Variants in NFRKB observed in about 807,000 individuals in gnomAD.
NFRKB encodes nuclear factor related to kappa-B-binding protein.
A neutral mutation model predicts 135.7 loss-of-function variants in NFRKB; 62 were observed. That is an observed-to-expected ratio of 0.46 (90% CI 0.37 to 0.56). The LOEUF is 0.56. NFRKB is among the 20% of genes least tolerant of loss of function. NFRKB has a pLI of 0.00. For synonymous variants in NFRKB, 678 were observed against 635.6 expected, an observed-to-expected ratio of 1.07 and a Z score of -1.00; for missense variants, 1,545 against 1,662.0, an observed-to-expected ratio of 0.93 and a Z score of 1.22.
intron 13 of NFRKB, among the ~76,000 whole-genome samples, chr11:129,879,250 A>G (rs533022532): frequency 6.8e-4 from 104 of 152,294 alleles, no homozygotes; most frequent in Middle Eastern, 3.4e-3. Flanking sequence ...TCAATACACA[A>G]TATCACTATT....
intron 23 of NFRKB, among the ~76,000 whole-genome samples, chr11:129,871,121 C>T (rs953120249): frequency 2.0e-5 from 3 of 152,216 alleles, no homozygotes; most frequent in Non-Finnish European, 2.9e-5. Context: ...AACATCCTCC[C>T]GTGTAGTTAA....
chr11:129,877,158 C>T (rs1297765042), intron 16 of NFRKB, among the ~76,000 whole-genome samples, 167 bp downstream of exon 16: 1 of 152,156 alleles, frequency 6.6e-6, no homozygotes, highest in Non-Finnish European at 1.5e-5. Flanking sequence ...TCTTACTCCC[C>T]TTCCCCACAC....
intron 23 of NFRKB, among the ~76,000 whole-genome samples, chr11:129,871,043 G>C (rs1457997608): frequency 6.6e-6 from 1 of 152,002 alleles, no homozygotes; most frequent in Non-Finnish European, 1.5e-5. Flanking sequence ...GATGCCCCTA[G>C]GTAGATATTA....
chr11:129,864,906 A>C, intron 26 of NFRKB, 56 bp from the exon 27 acceptor site: 1 of 1,613,420 alleles, frequency 6.2e-7, no homozygotes, highest in South Asian at 1.1e-5. Context: ...TCACCAGTTA[A>C]GAACAGCAGT....
In NFRKB at chr11:129,873,969, G is replaced by C. The variant is rs774563725; in HGVS notation, c.2326C>G (p.Leu776Val). 6.2e-7 allele frequency: 1 copy of C among 1,612,894 alleles called. No individual in the cohort carries two copies. Among genetic ancestry groups the C allele is most frequent in the South Asian group, 1.1e-5 (1 of 91,076 alleles). Residue 776 changes from leucine (L) to valine (V), a missense_variant, in exon 22 of 27, where the codon CTT becomes GTT. Coordinates refer to ENST00000682444, the MANE Select transcript of NFRKB (RefSeq NM_001143835.2). ...GCAGTCTGGCTGGAAGCTGGGGAAA[G>C]CATTGTTCCCAGATGTGGCATTGTT... ...SPTMPHLGTMLSPASSQTAPS... is the reference protein window; with the variant it reads ...SPTMPHLGTMVSPASSQTAPS...
intron 3 of NFRKB, among the ~76,000 whole-genome samples, chr11:129,890,849 G>A (rs766052020): frequency 6.6e-6 from 1 of 152,160 alleles, no homozygotes; most frequent in Non-Finnish European, 1.5e-5. Context: ...CAGAAAATAC[G>A]TGTAGGTTTT....
In NFRKB at chr11:129,865,033, T is replaced by C. The variant is rs766920900; in HGVS notation, c.3707A>G (p.Asn1236Ser). 6.2e-7 allele frequency: 1 copy of C among 1,613,004 alleles called. No homozygotes were observed. The highest frequency in any genetic ancestry group is 8.5e-7 in the Non-Finnish European group (1 of 1,179,976). Residue 1236 changes from asparagine to serine, a missense_variant, in exon 26 of 27, where the codon AAT (asparagine) becomes AGT (serine). Around this residue, in one of 3 missense-constraint regions of NFRKB, gnomAD observed 753 missense variants for 804.3 expected, o/e 0.94. Transcript: ENST00000682444. ...MPAGTKLIAG[N>S]KPVSFLTAQQ... The stretch of plus-strand genomic sequence containing the variant: ...AGCAGTGAGGAAACTAACAGGCTTA[T>C]TGCCAGCAATGAGCTTAGTGCCTGC...
At chr11:129,879,837 C>T (rs1240588524) in intron 13 of NFRKB, among the ~76,000 whole-genome samples, 1 of 152,186 alleles carries the variant, frequency 6.6e-6, no homozygotes, top group Non-Finnish European at 1.5e-5. Context: ...AATTCTAAAC[C>T]CACACATCCT....
chr11:129,868,608 C>T (rs947180792), intron 24 of NFRKB, among the ~76,000 whole-genome samples: 1 of 152,254 alleles, frequency 6.6e-6, no homozygotes, highest in Non-Finnish European at 1.5e-5. Context: ...GACACATTCG[C>T]CACTGCCTGG....
At chr11:129,888,347 A>AGATGCTGGTTACAAGCT (rs376017229) in intron 4 of NFRKB, 50 of 652,488 alleles carry the variant, frequency 7.7e-5, no homozygotes, top group East Asian at 2.2e-4. Context: ...TTTTTTATGT[A>AGATGCTGGTTACAAGCT]GATGCTGGTT....
intron 25 of NFRKB, 32 bp downstream of exon 25, chr11:129,865,845 A>G: frequency 6.2e-7 from 1 of 1,605,598 alleles, no homozygotes; most frequent in South Asian, 1.1e-5. Flanking sequence ...TCCACCCCCG[A>G]ATTGGTTCCT....
intron 2 of NFRKB, chr11:129,893,285 A>C (rs1383622854): frequency 4.3e-6 from 2 of 465,564 alleles, no homozygotes; most frequent in East Asian, 1.4e-4. Flanking sequence ...GGGTGCAGTA[A>C]CTCACACCTA....
intron 4 of NFRKB, 170 bp downstream of exon 4, chr11:129,888,423 TG>T (rs1184942137): frequency 5.6e-6 from 4 of 716,606 alleles, no homozygotes; most frequent in Non-Finnish European, 7.6e-6. Flanking sequence ...AATACATTTT[TG>T]TTTTTTAGAA....
chr11:129,873,604 T>C, intron 22 of NFRKB, 141 bp downstream of exon 22: 1 of 1,169,252 alleles, frequency 8.6e-7, no homozygotes, highest in South Asian at 1.5e-5. Flanking sequence ...GAACATTCAG[T>C]GGCTTATTCC....
At chr11:129,890,242 T>C (rs1465224083) in intron 3 of NFRKB, among the ~76,000 whole-genome samples, 1 of 152,112 alleles carries the variant, frequency 6.6e-6, no homozygotes, top group East Asian at 1.9e-4. Flanking sequence ...CATCTTTGCA[T>C]GAACGTATCA....
chr11:129,892,180 A>G (rs1207561910), intron 3 of NFRKB, among the ~76,000 whole-genome samples: 2 of 152,030 alleles, frequency 1.3e-5, no homozygotes, highest in African/African-American at 2.4e-5. Flanking sequence ...ACTGCACCCA[A>G]TGTGTATTCT....
chr11:129,879,049 C>T (rs543533805), intron 13 of NFRKB, among the ~76,000 whole-genome samples: 1 of 152,204 alleles, frequency 6.6e-6, no homozygotes, highest in East Asian at 1.9e-4. Context: ...TTCCACAACC[C>T]GCCTAGAAAG....
intron 4 of NFRKB, among the ~76,000 whole-genome samples, chr11:129,887,490 T>C (rs1372537286): frequency 6.6e-6 from 1 of 152,224 alleles, no homozygotes; most frequent in Non-Finnish European, 1.5e-5. Context: ...TCCTATATCA[T>C]ATTCCTGCCG....
intron 4 of NFRKB, chr11:129,888,317 G>A: frequency 1.6e-6 from 1 of 621,996 alleles, no homozygotes; most frequent in South Asian, 1.9e-5. Flanking sequence ...GGCACCTCTA[G>A]TATGCTGGAA....
Sources: allele counts gnomAD v4.1 joint callset (sites outside exome capture counted in the v4.1 genomes callset), GRCh38; gene constraint gnomAD v4.1.1; regional missense constraint gnomAD v4.1.1; transcripts MANE v1.5; gene names NCBI Gene and HGNC (gene_info 2026-07-23, HGNC 2026-07-21).